STAG1: variants seen among roughly 807,000 people sequenced by gnomAD.
STAG1 encodes the protein cohesin subunit SA-1.
STAG1 carries 26 observed loss-of-function variants against 170.9 expected under a neutral mutation model. The observed-to-expected ratio is 0.15, with a 90% confidence interval of 0.11 to 0.21. The LOEUF (loss-of-function observed/expected upper bound fraction) is 0.21, where lower values mean the gene tolerates loss of function less well. STAG1 is among the 10% of genes least tolerant of loss of function. STAG1 has a pLI of 1.00. For synonymous variants in STAG1, 514 were observed against 497.7 expected (o/e 1.03, Z -0.44); for missense variants, 964 against 1,509.5 (o/e 0.64, Z 5.99).
rs764314199 is a variant in STAG1 at position 136,391,004 on chromosome 3, C to A, written c.2277+7745G>T. ...CCACCTTCACCCTTACTGCTCTTTT[C>A]TCCAGTCTGTTTGCAGGTCAACAAG... On this transcript the variant is annotated intron_variant, in intron 22 of 33. Coordinates refer to ENST00000383202, the MANE Select transcript of STAG1 (RefSeq NM_005862.3). 5.6e-4 allele frequency among the ~76,000 whole-genome samples: 85 copies of A among 152,324 alleles called. 1 individual carries two copies. Among genetic ancestry groups the A allele is most frequent in the Middle Eastern group, 3.4e-3 (1 of 294 alleles).
At chr3:136,363,610 A>G (rs1936960291) in intron 25 of STAG1, 143 bp from the exon 26 acceptor site, 1 of 461,194 alleles carries the variant, frequency 2.2e-6, no homozygotes. Context: ...GGTAAATAAA[A>G]AAGTGTTTTA....
At chr3:136,596,348 G>A (rs901987501) in intron 4 of STAG1, among the ~76,000 whole-genome samples, 1 of 152,158 alleles carries the variant, frequency 6.6e-6, no homozygotes, top group African/African-American at 2.4e-5. Flanking sequence ...AAAAGATTAT[G>A]ACTCACTGAA....
At chr3:136,677,883 T>C (rs914619682) in intron 1 of STAG1, among the ~76,000 whole-genome samples, 6 of 147,814 alleles carry the variant, frequency 4.1e-5, no homozygotes, top group East Asian at 3.9e-4. Context: ...ATTTCTGATA[T>C]ATATATCATA....
At chr3:136,439,991 A>G (rs1305634013) in intron 15 of STAG1, among the ~76,000 whole-genome samples, 6 of 152,230 alleles carry the variant, frequency 3.9e-5, no homozygotes, top group African/African-American at 1.2e-4. Context: ...CTAATAGTAT[A>G]TATTTTAACA....
chr3:136,454,152 C>T (rs558039885), intron 13 of STAG1, among the ~76,000 whole-genome samples: 5 of 152,078 alleles, frequency 3.3e-5, no homozygotes, highest in South Asian at 2.1e-4. Flanking sequence ...TGGAGTGCAG[C>T]GGCACAATCT....
At chr3:136,529,215 T>G (rs1935236732) in intron 6 of STAG1, among the ~76,000 whole-genome samples, 1 of 152,076 alleles carries the variant, frequency 6.6e-6, no homozygotes, top group Admixed American at 6.5e-5. Context: ...CAAGACAGAA[T>G]GAAAGCATTT....
chr3:136,396,145 G>A (rs1046183735), intron 22 of STAG1, among the ~76,000 whole-genome samples: 4 of 150,588 alleles, frequency 2.7e-5, no homozygotes, highest in South Asian at 2.1e-4. Context: ...CAGGTGATCC[G>A]CCCACCTTGG....
chr3:136,417,841 C>T, intron 21 of STAG1, 44 bp downstream of exon 21: 4 of 1,496,820 alleles, frequency 2.7e-6, no homozygotes, highest in Non-Finnish European at 3.7e-6. Flanking sequence ...TTCAGAAAAA[C>T]AACTTTCTAG....
chr3:136,613,903 C>T (rs1939443830), intron 3 of STAG1, among the ~76,000 whole-genome samples: 1 of 152,126 alleles, frequency 6.6e-6, no homozygotes, highest in African/African-American at 2.4e-5. Flanking sequence ...AACCACTATC[C>T]CCAAACATGG....
chr3:136,449,296 C>G (rs1304164238), intron 14 of STAG1, among the ~76,000 whole-genome samples: 1 of 152,122 alleles, frequency 6.6e-6, no homozygotes, highest in African/African-American at 2.4e-5. Context: ...CGTGGTGGCT[C>G]ACGCCTGTAA....
chr3:136,422,739 G>C, intron 18 of STAG1, 29 bp downstream of exon 18: 1 of 1,546,270 alleles, frequency 6.5e-7, no homozygotes, highest in Non-Finnish European at 8.8e-7. Context: ...AACTATAACA[G>C]CTGAATTTCA....
intron 3 of STAG1, among the ~76,000 whole-genome samples, chr3:136,614,188 C>T (rs778252398): frequency 6.6e-6 from 1 of 152,036 alleles, no homozygotes; most frequent in Admixed American, 6.6e-5. Context: ...TGCACTCCAG[C>T]GTGGGCAACA....
At chr3:136,423,096 A>G in intron 16 of STAG1, 52 bp from the exon 17 acceptor site, 1 of 1,232,102 alleles carries the variant, frequency 8.1e-7, no homozygotes, top group South Asian at 1.5e-5. Context: ...TTATAAATCC[A>G]AACTGTTACA....
chr3:136,555,042 T>A (rs1413283884), intron 5 of STAG1, among the ~76,000 whole-genome samples: 1 of 149,984 alleles, frequency 6.7e-6, no homozygotes, highest in Admixed American at 6.7e-5. Flanking sequence ...CACAACTATA[T>A]ATATACATAT....
At chr3:136,525,081 C>G (rs1030547845) in intron 6 of STAG1, among the ~76,000 whole-genome samples, 1 of 152,088 alleles carries the variant, frequency 6.6e-6, no homozygotes, top group African/African-American at 2.4e-5. Context: ...CTCTGCCAGG[C>G]TTTGGTATCA....
At chr3:136,739,639 G>A (rs1227882785) in intron 1 of STAG1, among the ~76,000 whole-genome samples, 1 of 151,154 alleles carries the variant, frequency 6.6e-6, no homozygotes, top group Non-Finnish European at 1.5e-5. Context: ...GGCCAACATA[G>A]TGAAACCCCA....
chr3:136,672,887 T>C (rs1159835407), intron 1 of STAG1, among the ~76,000 whole-genome samples: 1 of 152,176 alleles, frequency 6.6e-6, no homozygotes, highest in Non-Finnish European at 1.5e-5. Flanking sequence ...ATTACTATTA[T>C]GCAGCACATA....
At position 136,502,620 on chromosome 3, in the gene STAG1, A is replaced by G; in HGVS notation, c.828+8T>C. On this transcript the variant is annotated splice_region_variant and intron_variant, in intron 8 of 33. Transcript: ENST00000383202. ...GAACATAAAATCATCAGTTCCCATG[A>G]AACTTACCTCTTTGCGTTTCTGAAG... The G allele has an allele frequency of 6.2e-7, 1 of 1,612,134 alleles. No individual in the cohort carries two copies. Among genetic ancestry groups the G allele is most frequent in the Non-Finnish European group, 8.5e-7 (1 of 1,179,212 alleles).
At chr3:136,407,852 C>T (rs907309202) in intron 21 of STAG1, among the ~76,000 whole-genome samples, 1 of 150,244 alleles carries the variant, frequency 6.7e-6, no homozygotes, top group Non-Finnish European at 1.5e-5. Context: ...GCCGAGATCA[C>T]GCCACTGCAC....
Sources: allele counts gnomAD v4.1 joint callset (sites outside exome capture counted in the v4.1 genomes callset), GRCh38; gene constraint gnomAD v4.1.1; transcripts MANE v1.5; gene names NCBI Gene and HGNC (gene_info 2026-07-23, HGNC 2026-07-21).